The following FBN3 variants were observed in gnomAD, a reference collection of about 807,000 sequenced individuals.
FBN3 encodes the protein fibrillin 3.
In FBN3, 234 loss-of-function variants were observed where a neutral mutation model predicts 330.1. The observed-to-expected ratio is 0.71, with a 90% CI of 0.64 to 0.79. The LOEUF (loss-of-function observed/expected upper bound fraction) is 0.79, where lower values mean the gene tolerates loss of function less well. FBN3 is among the 30% of genes least tolerant of loss of function. The probability of loss-of-function intolerance (pLI) is 0.00; values close to 1 mark genes in which losing one functional copy is unlikely to be tolerated. For synonymous variants in FBN3, 1,458 were observed against 1,517.3 expected (o/e 0.96, Z 0.91); for missense variants, 3,606 against 3,886.9 (o/e 0.93, Z 1.92).
chr19:8,072,331 G>A lies in FBN3; in HGVS notation c.7938-133C>T, dbSNP rs2081534367. 7.3e-6 allele frequency: 7 copies of A among 952,390 alleles called. No individual in the cohort carries two copies. The South Asian group carries it at 1.2e-4, about 16-fold the overall frequency. The allele number at this position is 952,390 out of a possible 1,614,324, so 59.0% of individuals were successfully genotyped here. A position where few individuals can be genotyped will look rare whatever the true frequency, so the allele number is the denominator to read the frequency against. On this transcript the variant is annotated intron_variant, in intron 62 of 63. Transcript: ENST00000600128. Reference sequence around the variant, plus strand: ...CACGCACACAAATGCCTCTGAGCATGTGCTGGTGTGGCTCCGTGTGCACGA... The same window carrying A: ...CACGCACACAAATGCCTCTGAGCATATGCTGGTGTGGCTCCGTGTGCACGA...
intron 50 of FBN3, 109 bp from the exon 51 acceptor site, chr19:8,089,779 G>T: frequency 3.8e-6 from 6 of 1,560,232 alleles, no homozygotes; most frequent in Non-Finnish European, 5.2e-6. Flanking sequence ...CAGGCTGGCA[G>T]GGTCCAGGGC....
Position 8,144,953 on chromosome 19 carries a change from G to A in FBN3, c.465C>T (p.Cys155=). Residue 155 remains cysteine (C), a synonymous_variant, in exon 6 of 64, where the codon TGC becomes TGT. Coordinates refer to ENST00000600128, the MANE Select transcript of FBN3 (RefSeq NM_032447.5). The part of the protein sequence containing the change: ...VCGQPICDRG[C]HNGGRCIGPN... Reference sequence around the variant, plus strand: ...GCCCAATGCAGCGACCCCCATTGTGGCAGCCGCGGTCACAGATGGCTGTGG... The same window carrying A: ...GCCCAATGCAGCGACCCCCATTGTGACAGCCGCGGTCACAGATGGCTGTGG... The A allele has an allele frequency of 1.9e-6, 3 of 1,611,196 alleles. No individual in the cohort carries two copies. Among genetic ancestry groups the A allele is most frequent in the Non-Finnish European group, 2.5e-6 (3 of 1,179,414 alleles).
At position 8,111,192 on chromosome 19, in the gene FBN3, C is replaced by T; in HGVS notation, c.4085-9G>A. On this transcript the variant is annotated splice_polypyrimidine_tract_variant and intron_variant, in intron 32 of 63. Coordinates refer to ENST00000600128, the MANE Select transcript of FBN3 (RefSeq NM_032447.5). Reference sequence around the variant, plus strand: ...GGCACATTCATCCCTGTCTGAGGGGCCCCAAGATTCGGAGGGCTGGAGGCC... The same window carrying T: ...GGCACATTCATCCCTGTCTGAGGGGTCCCAAGATTCGGAGGGCTGGAGGCC... 6.3e-7 allele frequency: 1 copy of T among 1,582,188 alleles called. No individual in the cohort carries two copies. Among genetic ancestry groups the T allele is most frequent in the Middle Eastern group, 1.7e-4 (1 of 5,894 alleles).
intron 45 of FBN3, 49 bp downstream of exon 45, chr19:8,095,915 G>T: frequency 8.2e-7 from 1 of 1,214,662 alleles, no homozygotes; most frequent in Non-Finnish European, 1.2e-6. Flanking sequence ...CACTTCCTTA[G>T]ATTCTGAGAA....
At chr19:8,116,201 G>T (rs78131304) in intron 29 of FBN3, among the ~76,000 whole-genome samples, 204 of 152,272 alleles carry the variant, frequency 1.3e-3, no homozygotes, top group African/African-American at 4.6e-3. Flanking sequence ...GATAGGGTAT[G>T]CAGTACACAT....
Position 8,096,908 on chromosome 19 carries a change from TG to T in FBN3, c.5385del (p.Tyr1795Ter), listed in dbSNP as rs758787735. On this transcript the variant is annotated frameshift_variant, in exon 43 of 64. Transcript: ENST00000600128. LOFTEE classifies it high-confidence loss of function. This position sits in a 1 kb window ranked among gnomAD's most constrained non-coding sequence, Gnocchi z 4.6. The stretch of plus-strand genomic sequence containing the variant: ...ACACAAGCCCCGCCTGGCGACAGTT[TG>T]TACCCTCGGGTGCACTTGCAGCGGT... ...GSYRCKCTRGYKLSPGGACVG... is the reference protein window; with the variant it reads ...GSYRCKCTRGXKLSPGGACVG... 8 of 1,613,734 alleles carry T rather than the reference TG, an allele frequency of 5.0e-6. No homozygotes were observed. In the South Asian group the frequency reaches 8.8e-5, roughly 18 times the overall value.
At chr19:8,144,363 C>G (rs1297911158) in intron 6 of FBN3, among the ~76,000 whole-genome samples, 1 of 151,486 alleles carries the variant, frequency 6.6e-6, no homozygotes, top group East Asian at 1.9e-4. Flanking sequence ...TATCACTGCA[C>G]TCTAGCCCGA....
chr19:8,147,451 C>A lies in FBN3; in HGVS notation c.30G>T (p.Arg10Ser). The change falls in exon 2 of 64, where the codon AGG becomes AGT. Residue 10 changes from arginine to serine, a missense_variant. Transcript: ENST00000600128. ...CCAGCAGGAGCCGGGCCAGGGGGCC[C>A]CTTGCCAAATACAGACCCTCCAGAG... MTLEGLYLA[R>S]GPLARLLLAW... The A allele has an allele frequency of 1.3e-6, 2 of 1,557,712 alleles. No homozygotes were observed. Among genetic ancestry groups the A allele is most frequent in the Non-Finnish European group, 8.7e-7 (1 of 1,154,620 alleles).
At chr19:8,114,249 A>G (rs2144847110) in intron 30 of FBN3, among the ~76,000 whole-genome samples, 1 of 63,230 alleles carries the variant, frequency 1.6e-5, no homozygotes, top group African/African-American at 4.1e-5. Context: ...TTTTTAATTA[A>G]AAAAAAGTTT....
Position 8,088,183 on chromosome 19 carries a change from G to C in FBN3, c.6377-4C>G, listed in dbSNP as rs2082011666. The stretch of plus-strand genomic sequence containing the variant: ...CCGACAGAGCACTCGTCTGTGTCTG[G>C]GTGGGAGTAAGGGGGTGGTCAGCAC... On this transcript the variant is annotated splice_polypyrimidine_tract_variant and splice_region_variant and intron_variant, in intron 51 of 63. Transcript: ENST00000600128. 6.3e-7 allele frequency: 1 copy of C among 1,590,878 alleles called. No individual in the cohort carries two copies. Among genetic ancestry groups the C allele is most frequent in the Non-Finnish European group, 8.6e-7 (1 of 1,166,488 alleles).
In FBN3 at chr19:8,111,130, T is replaced by A. The variant is rs1187144697; in HGVS notation, c.4138A>T (p.Asn1380Tyr). 6.2e-7 allele frequency: 1 copy of A among 1,613,248 alleles called. No individual in the cohort carries two copies. The highest frequency in any genetic ancestry group is 1.1e-5 in the South Asian group (1 of 90,990). ...VDLCDNGQCL[N>Y]APGGYRCECE... is the part of the protein sequence containing the mutation. ...TCACAGCGGTACCCGCCGGGCGCATTGAGGCACTGCCCGTTGTCACAGAGG... is the reference window on the plus strand; with the variant it reads ...TCACAGCGGTACCCGCCGGGCGCATAGAGGCACTGCCCGTTGTCACAGAGG... Residue 1380 changes from asparagine (N) to tyrosine (Y), a missense_variant, in exon 33 of 64, where the codon AAT becomes TAT. By Grantham distance (143) the Asn-to-Tyr change is moderately radical. Coordinates refer to ENST00000600128, the MANE Select transcript of FBN3 (RefSeq NM_032447.5).
At chr19:8,114,398 C>A (rs895049727) in intron 30 of FBN3, among the ~76,000 whole-genome samples, 1 of 151,654 alleles carries the variant, frequency 6.6e-6, no homozygotes, top group Non-Finnish European at 1.5e-5. Flanking sequence ...TACAGGCGTG[C>A]GCCACCACGC....
Position 8,089,575 on chromosome 19 carries a change from T to C in FBN3, c.6346A>G (p.Ser2116Gly). ...SFRCECPFGY[S>G]LDFTGINCVD... ...CAGTTGATGCCAGTGAAGTCCAGGC[T>C]GTAGCCAAAGGGACACTCACAGCGG... Residue 2116 changes from serine (S) to glycine (G), a missense_variant, in exon 51 of 64, where the codon AGC (serine) becomes GGC (glycine). Transcript: ENST00000600128. 2 of 1,614,178 alleles carry C rather than the reference T, an allele frequency of 1.2e-6. No individual in the cohort carries two copies. The highest frequency in any genetic ancestry group is 8.5e-7 in the Non-Finnish European group (1 of 1,180,018).
intron 56 of FBN3, among the ~76,000 whole-genome samples, chr19:8,084,183 C>T (rs934148157): frequency 2.6e-5 from 4 of 152,134 alleles, no homozygotes; most frequent in African/African-American, 9.7e-5. Flanking sequence ...GCACTGATGT[C>T]CTTATGCTCG....
chr19:8,135,837 G>A, intron 13 of FBN3, 124 bp downstream of exon 13: 1 of 1,071,256 alleles, frequency 9.3e-7, no homozygotes, highest in Non-Finnish European at 1.4e-6. Flanking sequence ...GGGTTCAGAG[G>A]TGAGCAGAGG....
chr19:8,103,756 C>A, intron 38 of FBN3, 69 bp from the exon 39 acceptor site: 1 of 1,517,480 alleles, frequency 6.6e-7, no homozygotes. Context: ...AACTCCACTC[C>A]AGAGACCCAG....
At position 8,138,754 on chromosome 19, in the gene FBN3, A is replaced by C. The variant is rs145273552; in HGVS notation, c.866-190T>G. Among the ~76,000 whole-genome samples the C allele has an allele frequency of 7.5e-4, 114 of 152,296 alleles. 1 individual carries two copies. Among genetic ancestry groups the C allele is most frequent in the Middle Eastern group, 3.4e-3 (1 of 294 alleles). On this transcript the variant is annotated intron_variant, in intron 8 of 63. Transcript: ENST00000600128. ...CGGGAAAAGTATTACCTGGATGAAA[A>C]GTCTGACATAGTCCAGATGCAGTAG...
chr19:8,106,999 G>A (rs572370090), intron 37 of FBN3, among the ~76,000 whole-genome samples: 8 of 151,404 alleles, frequency 5.3e-5, no homozygotes, highest in African/African-American at 9.7e-5. Context: ...GGGTGAATGC[G>A]GGCTAGATGA....
intron 56 of FBN3, among the ~76,000 whole-genome samples, chr19:8,083,587 G>A (rs1037637579): frequency 1.3e-5 from 2 of 151,894 alleles, no homozygotes; most frequent in Non-Finnish European, 2.9e-5. Context: ...CCAGGGAAGG[G>A]GACTCACACC....
Sources: allele counts gnomAD v4.1 joint callset (sites outside exome capture counted in the v4.1 genomes callset), GRCh38; gene constraint gnomAD v4.1.1; non-coding constraint Gnocchi (gnomAD v3.1); transcripts MANE v1.5; gene names NCBI Gene and HGNC (gene_info 2026-07-23, HGNC 2026-07-21).